The following JAKMIP2 variants were observed in gnomAD, a reference collection of about 807,000 sequenced individuals.
The protein encoded by JAKMIP2 is janus kinase and microtubule-interacting protein 2.
JAKMIP2 carries 25 observed loss-of-function variants against 115.0 expected under a neutral mutation model. The observed-to-expected ratio is 0.22, with a 90% confidence interval of 0.16 to 0.30. The LOEUF is 0.30. Among genes scored for constraint, JAKMIP2 ranks in the 10% least tolerant of loss-of-function variants. The probability of loss-of-function intolerance (pLI) is 1.00; values close to 1 mark genes in which losing one functional copy is unlikely to be tolerated. For missense variants in JAKMIP2, 642 were observed against 957.6 expected, an observed-to-expected ratio of 0.67 and a Z score of 4.35; for synonymous variants, 334 against 343.6, an observed-to-expected ratio of 0.97 and a Z score of 0.31.
intron 20 of JAKMIP2, among the ~76,000 whole-genome samples, chr5:147,605,028 G>C (rs541134758): frequency 6.6e-6 from 1 of 150,930 alleles, no homozygotes; most frequent in African/African-American, 2.4e-5. Flanking sequence ...ACCTGTGCCC[G>C]TATGTTCTCA....
intron 1 of JAKMIP2, among the ~76,000 whole-genome samples, chr5:147,742,416 C>G (rs1356619402): frequency 1.3e-5 from 2 of 152,006 alleles, no homozygotes; most frequent in Admixed American, 6.6e-5. Flanking sequence ...TTCCTACCTT[C>G]CTACATAATC....
intron 1 of JAKMIP2, among the ~76,000 whole-genome samples, chr5:147,757,762 A>T (rs577807691): frequency 2.6e-5 from 4 of 152,238 alleles, no homozygotes; most frequent in African/African-American, 9.6e-5. Context: ...CAATTTTTTA[A>T]AAATCCTGAA....
Position 147,639,664 on chromosome 5 carries a change from C to T in JAKMIP2, c.1498G>A (p.Gly500Arg), listed in dbSNP as rs1320560501. ...RAYALLQEQT[G>R]GIIDAEREAK... Reference sequence around the variant, plus strand: ...TCTCGTTCAGCGTCGATGATGCCTCCCGTCTGCTCCTGTAGGAGGGCATAT... The same window carrying T: ...TCTCGTTCAGCGTCGATGATGCCTCTCGTCTGCTCCTGTAGGAGGGCATAT... The change falls in exon 10 of 22, where the codon GGA (glycine) becomes AGA (arginine). Residue 500 changes from glycine (G) to arginine (R), a missense_variant. By Grantham distance (125) the Gly-to-Arg change is moderately radical (BLOSUM62 -2). Around this residue, in one of 6 missense-constraint regions of JAKMIP2, gnomAD observed 103 missense variants for 177.6 expected, o/e 0.58. Transcript: ENST00000616793. 4 of 1,613,574 alleles carry T rather than the reference C, an allele frequency of 2.5e-6. No homozygotes were observed. The highest frequency in any genetic ancestry group is 1.1e-5 in the South Asian group (1 of 90,998).
intron 2 of JAKMIP2, among the ~76,000 whole-genome samples, chr5:147,663,413 C>T (rs556270522): frequency 1.1e-3 from 172 of 152,306 alleles, no homozygotes; most frequent in Non-Finnish European, 2.0e-3. Flanking sequence ...TCTCAGCCTA[C>T]ATCTTTCTCT....
At chr5:147,637,470 C>T (rs1757679378) in intron 10 of JAKMIP2, among the ~76,000 whole-genome samples, 1 of 99,822 alleles carries the variant, frequency 1.0e-5, no homozygotes, top group African/African-American at 3.6e-5. Flanking sequence ...GACAGAGTCT[C>T]ACTCTGTTGC....
At chr5:147,685,305 T>C (rs552169172) in intron 1 of JAKMIP2, among the ~76,000 whole-genome samples, 1 of 152,338 alleles carries the variant, frequency 6.6e-6, no homozygotes, top group East Asian at 1.9e-4. Context: ...TGGAAGAATG[T>C]AGGTAACATC....
At chr5:147,642,662 C>CTT (rs200386795) in intron 7 of JAKMIP2, among the ~76,000 whole-genome samples, 12 of 141,010 alleles carry the variant, frequency 8.5e-5, no homozygotes, top group East Asian at 4.1e-4. Context: ...GGTGTTCGGG[C>CTT]TTTTTTTTTT....
At chr5:147,620,281 T>G (rs559048276) in intron 18 of JAKMIP2, among the ~76,000 whole-genome samples, 2 of 152,098 alleles carry the variant, frequency 1.3e-5, no homozygotes, top group Non-Finnish European at 2.9e-5. Context: ...TTTTGTATTT[T>G]TATTTTTATT....
intron 1 of JAKMIP2, among the ~76,000 whole-genome samples, chr5:147,755,916 C>T (rs1288770882): frequency 1.3e-5 from 2 of 152,126 alleles, no homozygotes; most frequent in Non-Finnish European, 1.5e-5. Flanking sequence ...AACACACACC[C>T]TTTGAAGAGC....
At chr5:147,673,072 G>A (rs1759714978) in intron 1 of JAKMIP2, among the ~76,000 whole-genome samples, 2 of 152,130 alleles carry the variant, frequency 1.3e-5, no homozygotes, top group Admixed American at 1.3e-4. Context: ...GCAGAATGGA[G>A]AGAGAATGAA....
rs535254079 is a variant in JAKMIP2 at position 147,711,666 on chromosome 5, ATTG to A, written c.-148-39715_-148-39713del. On this transcript the variant is annotated intron_variant, in intron 1 of 21. Transcript: ENST00000616793. Reference sequence around the variant, plus strand: ...AAATCATAGTGTGTAACCCATAGTAATTGTTGTTGTTGTTTTTTGAGACAGAAT... The same window carrying A: ...AAATCATAGTGTGTAACCCATAGTAATTGTTGTTGTTTTTTGAGACAGAAT... Among the ~76,000 whole-genome samples the A allele has an allele frequency of 1.8e-4, 27 of 152,198 alleles. No individual in the cohort carries two copies. The East Asian group carries it at 4.1e-3, about 23-fold the overall frequency.
At chr5:147,652,452 C>T (rs1758449870) in intron 3 of JAKMIP2, among the ~76,000 whole-genome samples, 1 of 152,020 alleles carries the variant, frequency 6.6e-6, no homozygotes, top group African/African-American at 2.4e-5. Flanking sequence ...CAACCAAAGC[C>T]CTACTTAGAT....
chr5:147,654,094 T>C (rs1758545904), intron 3 of JAKMIP2, among the ~76,000 whole-genome samples: 1 of 150,924 alleles, frequency 6.6e-6, no homozygotes, highest in Non-Finnish European at 1.5e-5. Flanking sequence ...ACCAGTACTA[T>C]GCTGTTTTGG....
intron 3 of JAKMIP2, among the ~76,000 whole-genome samples, chr5:147,653,173 G>A (rs867824863): frequency 5.9e-5 from 9 of 152,070 alleles, no homozygotes; most frequent in Admixed American, 3.9e-4. Context: ...ATAAACATAC[G>A]TGTGAATGTG....
intron 1 of JAKMIP2, among the ~76,000 whole-genome samples, chr5:147,780,052 T>G (rs1157926486): frequency 6.6e-6 from 1 of 152,184 alleles, no homozygotes; most frequent in Non-Finnish European, 1.5e-5. Flanking sequence ...GCTTAGCTTA[T>G]CTGAAACAAA....
rs2126920591 is a variant in JAKMIP2, at chr5:147,714,695, G to A, written c.-148-42741C>T. 3.9e-5 allele frequency among the ~76,000 whole-genome samples: 6 copies of A among 152,218 alleles called. No homozygotes were observed. The South Asian group carries it at 1.2e-3, about 32-fold the overall frequency. ...TGCTATCCAAGAAAAATAGATGACT[G>A]GCCTATAAAAAGATAACAGTTACAC... On this transcript the variant is annotated intron_variant, in intron 1 of 21. Coordinates refer to ENST00000616793, the MANE Select transcript of JAKMIP2 (RefSeq NM_001270941.2).
intron 1 of JAKMIP2, among the ~76,000 whole-genome samples, chr5:147,701,139 C>T (rs1752309684): frequency 6.6e-6 from 1 of 151,958 alleles, no homozygotes; most frequent in African/African-American, 2.4e-5. Context: ...AGGAGAGAAA[C>T]AAGATAAATA....
chr5:147,671,648 A>T, intron 2 of JAKMIP2, 30 bp downstream of exon 2: 1 of 1,368,176 alleles, frequency 7.3e-7, no homozygotes, highest in Middle Eastern at 2.3e-4. Flanking sequence ...GCTGCTCTTA[A>T]TGCCACGACC....
intron 1 of JAKMIP2, among the ~76,000 whole-genome samples, chr5:147,772,629 A>G (rs1035187653): frequency 1.4e-4 from 22 of 152,052 alleles, no homozygotes; most frequent in African/African-American, 5.1e-4. Context: ...TGTGTTTTAA[A>G]AAATATTGTG....
Sources: gnomAD v4.1 joint callset for allele counts (sites outside exome capture counted in the v4.1 genomes callset) on GRCh38, gnomAD v4.1.1 for gene constraint, gnomAD v4.1.1 regional missense constraint, MANE v1.5 for transcripts, NCBI Gene and HGNC (gene_info 2026-07-23, HGNC 2026-07-21) for gene names.